SGCD: variants seen among roughly 807,000 people sequenced by gnomAD.
SGCD encodes delta-sarcoglycan.
A neutral mutation model predicts 36.6 loss-of-function variants in SGCD; 18 were observed. The observed-to-expected ratio is 0.49, with a 90% CI of 0.34 to 0.73. SGCD has a LOEUF of 0.73. Ranked by LOEUF, SGCD falls within the 30% of genes least tolerant of loss-of-function variation. The probability of loss-of-function intolerance (pLI) is 0.01; values close to 1 mark genes in which losing one functional copy is unlikely to be tolerated. For synonymous variants in SGCD, 133 were observed against 130.6 expected, an observed-to-expected ratio of 1.02 and a Z score of -0.12; for missense variants, 387 against 346.7, an observed-to-expected ratio of 1.12 and a Z score of -0.92.
rs778561172 is a variant in SGCD, at chr5:156,070,887, C to A, written c.-281-46991C>A. On this transcript the variant is annotated intron_variant, in intron 1 of 9. Coordinates refer to the SGCD transcript ENST00000517913. ...GGGTGTATGTGATGAGGAATTTATC[C>A]ATTTCTTCTAGATTTTCTAGTTTAT... Among the ~76,000 whole-genome samples the A allele has an allele frequency of 1.4e-4, 22 of 152,154 alleles. 1 individual carries two copies. The highest frequency in any genetic ancestry group is 2.4e-5 in the African/African-American group (1 of 41,426).
chr5:156,662,011 G>A (rs1375056839), intron 7 of SGCD, among the ~76,000 whole-genome samples: 2 of 114,034 alleles, frequency 1.8e-5, no homozygotes, highest in Non-Finnish European at 3.5e-5. Context: ...GGGGCTAAGG[G>A]ATCTATTCTA....
chr5:156,540,649 T>C (rs1409228539), intron 4 of SGCD, among the ~76,000 whole-genome samples: 1 of 152,208 alleles, frequency 6.6e-6, no homozygotes, highest in Admixed American at 6.5e-5. Context: ...TTGATTCTTA[T>C]TTCGCATAGT....
At chr5:155,996,500 G>A (rs900198102) in intron 1 of SGCD, among the ~76,000 whole-genome samples, 5 of 152,084 alleles carry the variant, frequency 3.3e-5, no homozygotes, top group African/African-American at 9.7e-5. Flanking sequence ...CCAAAGGGCC[G>A]GGCGCGGTGG....
intron 3 of SGCD, among the ~76,000 whole-genome samples, chr5:156,130,589 C>T (rs1762298278): frequency 6.6e-6 from 1 of 152,110 alleles, no homozygotes; most frequent in African/African-American, 2.4e-5. Context: ...ATGGTATTGC[C>T]TAAGTTGTAT....
At position 156,309,639 on chromosome 5, in the gene SGCD, C is replaced by T. The variant is rs553889353; in HGVS notation, c.-43-19895C>T. Among the ~76,000 whole-genome samples, 418 of 141,136 alleles carry T rather than the reference C, an allele frequency of 3.0e-3. 3 individuals are homozygous for T. Among genetic ancestry groups the T allele is most frequent in the African/African-American group, 0.01 (386 of 37,224 alleles). 92.6% of individuals were successfully genotyped at this position (141,136 alleles called of 152,430 possible). On this transcript the variant is annotated intron_variant, in intron 3 of 9. Coordinates refer to the SGCD transcript ENST00000517913. ...TTTTTGAGACAGAGTCTCGCACTGT[C>T]GCCTGGGCTGGAATGCAGTGGCGTG... is the stretch of plus-strand genomic sequence containing the variant.
intron 1 of SGCD, among the ~76,000 whole-genome samples, chr5:156,008,033 A>G (rs775506978): frequency 3.9e-5 from 6 of 152,098 alleles, no homozygotes; most frequent in African/African-American, 7.2e-5. Context: ...TTTTCTCCAT[A>G]GTGATGATAA....
Position 156,029,581 on chromosome 5 carries a change from C to T in SGCD, c.-281-88297C>T, listed in dbSNP as rs149313969. Among the ~76,000 whole-genome samples the T allele has an allele frequency of 4.5e-4, 69 of 152,236 alleles. 1 individual carries two copies. Among genetic ancestry groups the T allele is most frequent in the South Asian group, 4.4e-3 (21 of 4,818 alleles). On this transcript the variant is annotated intron_variant, in intron 1 of 9. Coordinates refer to the SGCD transcript ENST00000517913. Reference sequence around the variant, plus strand: ...AAGTCCAGGGTTGTATGGGCATATTCGGCTGCCAATTCAATTATCTTCTCT... The same window carrying T: ...AAGTCCAGGGTTGTATGGGCATATTTGGCTGCCAATTCAATTATCTTCTCT...
chr5:156,427,637 A>G (rs749766551), intron 3 of SGCD, among the ~76,000 whole-genome samples: 7 of 152,004 alleles, frequency 4.6e-5, no homozygotes, highest in Admixed American at 2.0e-4. Flanking sequence ...GAATCCTTTC[A>G]TCTTTTCGCC....
chr5:156,608,681 T>G (rs182251596), intron 6 of SGCD, among the ~76,000 whole-genome samples: 2,475 of 152,198 alleles, frequency 0.016, 64 homozygotes, highest in African/African-American at 0.056. Context: ...GGGATTCTAA[T>G]TCTCTTTGTA....
In SGCD at chr5:156,223,867, C is replaced by T. The variant is rs114603152; in HGVS notation, c.-44+99848C>T. ...ACCATGAATGAAACAGTAATCACAA[C>T]GGAGTGTGTTTTTCTAAGTAAATGA... On this transcript the variant is annotated intron_variant, in intron 3 of 9. Coordinates refer to the SGCD transcript ENST00000517913. Among the ~76,000 whole-genome samples the T allele has an allele frequency of 8.8e-3, 1,334 of 152,030 alleles. 9 individuals carry two copies. The highest frequency in any genetic ancestry group is 0.015 in the Non-Finnish European group (998 of 67,974).
intron 4 of SGCD, among the ~76,000 whole-genome samples, chr5:156,511,787 T>C (rs1303100930): frequency 2.0e-5 from 3 of 152,226 alleles, no homozygotes; most frequent in Non-Finnish European, 2.9e-5. Flanking sequence ...TCAGACCTCT[T>C]GCTGTACCTA....
At position 156,171,486 on chromosome 5, in the gene SGCD, T is replaced by C. The variant is rs576451774; in HGVS notation, c.-44+47467T>C. Among the ~76,000 whole-genome samples the C allele has an allele frequency of 2.6e-5, 4 of 152,364 alleles. No individual in the cohort carries two copies. In the South Asian group the frequency reaches 8.3e-4, roughly 32 times the overall value. ...GGGTTATACTAAATATAATGTGTTA[T>C]CTTGGATTGAATCTTGGAACACAAG... is the stretch of plus-strand genomic sequence containing the variant. On this transcript the variant is annotated intron_variant, in intron 3 of 9. Transcript: ENST00000517913.
At chr5:156,161,163 G>A (rs1763077388) in intron 3 of SGCD, among the ~76,000 whole-genome samples, 1 of 151,654 alleles carries the variant, frequency 6.6e-6, no homozygotes, top group African/African-American at 2.4e-5. Flanking sequence ...TTGAAACTAA[G>A]GGAATCAATG....
chr5:155,889,871 T>G (rs1379892797), intron 1 of SGCD, among the ~76,000 whole-genome samples: 2 of 152,202 alleles, frequency 1.3e-5, no homozygotes, highest in African/African-American at 4.8e-5. Flanking sequence ...TTGGGCTGGT[T>G]GGGCTGGAAT....
intron 3 of SGCD, among the ~76,000 whole-genome samples, chr5:156,452,403 C>T (rs372935842): frequency 1.3e-5 from 2 of 152,144 alleles, no homozygotes; most frequent in African/African-American, 4.8e-5. Flanking sequence ...TCTCCTTTTG[C>T]TTTCTTCCCT....
At chr5:156,144,253 A>G (rs1010587056) in intron 3 of SGCD, among the ~76,000 whole-genome samples, 1 of 152,096 alleles carries the variant, frequency 6.6e-6, no homozygotes, top group African/African-American at 2.4e-5. Context: ...GTATATACCC[A>G]GTAATGGGAT....
At position 156,633,823 on chromosome 5, in the gene SGCD, G is replaced by A. The variant is rs149469312; in HGVS notation, c.503-13641G>A. Among the ~76,000 whole-genome samples, 256 of 152,274 alleles carry A rather than the reference G, an allele frequency of 1.7e-3. 1 individual carries two copies. Among genetic ancestry groups the A allele is most frequent in the African/African-American group, 5.9e-3 (244 of 41,550 alleles). The stretch of plus-strand genomic sequence containing the variant: ...ACGTGGGCAGGCCTGCTGCTCTTTG[G>A]TCAGTTAAGATCATCTCTGATAATT... On this transcript the variant is annotated intron_variant, in intron 6 of 8. Coordinates refer to ENST00000337851, the MANE Select transcript of SGCD (RefSeq NM_000337.6).
chr5:156,509,630 T>C (rs1756848280), intron 4 of SGCD, among the ~76,000 whole-genome samples: 3 of 152,222 alleles, frequency 2.0e-5, no homozygotes, highest in South Asian at 2.1e-4. Context: ...AGAAGTTTCA[T>C]GTAAAAAGCT....
At chr5:156,697,392 TA>T (rs543182604) in intron 7 of SGCD, among the ~76,000 whole-genome samples, 233 of 152,258 alleles carry the variant, frequency 1.5e-3, no homozygotes, top group Non-Finnish European at 2.7e-3. Context: ...CCCACATGTG[TA>T]CTTTTTTGTT....
Sources: gnomAD v4.1 joint callset for allele counts (sites outside exome capture counted in the v4.1 genomes callset) on GRCh38, gnomAD v4.1.1 for gene constraint, MANE v1.5 for transcripts, NCBI Gene and HGNC (gene_info 2026-07-23, HGNC 2026-07-21) for gene names.